The following RRM2 variants were observed in gnomAD, a reference collection of about 807,000 sequenced individuals.
RRM2 encodes the protein ribonucleoside-diphosphate reductase subunit M2.
RRM2 carries 6 observed loss-of-function variants against 45.9 expected under a neutral mutation model. The observed-to-expected ratio is 0.13, with a 90% confidence interval of 0.07 to 0.26. The LOEUF (loss-of-function observed/expected upper bound fraction) is 0.26. Ranked by LOEUF, RRM2 falls within the 10% of genes least tolerant of loss-of-function variation. RRM2 has a pLI of 1.00. For synonymous variants in RRM2, 177 were observed against 173.0 expected, an observed-to-expected ratio of 1.02 and a Z score of -0.18; for missense variants, 343 against 489.5, an observed-to-expected ratio of 0.70 and a Z score of 2.82.
In RRM2 at chr2:10,204,807, G is replaced by A. The variant is rs1664633574; in HGVS notation, n.483-5504G>A. Among the ~76,000 whole-genome samples, 1 of 152,222 alleles carries A rather than the reference G, an allele frequency of 6.6e-6. No homozygotes were observed. The highest frequency in any genetic ancestry group is 2.4e-5 in the African/African-American group (1 of 41,446). On this transcript the variant is annotated intron_variant and non_coding_transcript_variant, in intron 3 of 3. Coordinates refer to the RRM2 transcript ENST00000381786. The surrounding 1 kb of genome is among the most constrained non-coding windows in gnomAD (Gnocchi z 4.0). ...CCCTTTTCCTCTTCCAAGATGGGTG[G>A]CACTGAACGCCGAGGCCACGGCCCG...
intron 3 of RRM2, among the ~76,000 whole-genome samples, chr2:10,182,987 G>A (rs925924459): frequency 3.3e-5 from 5 of 152,150 alleles, no homozygotes; most frequent in African/African-American, 1.2e-4. Flanking sequence ...AGACCAGTCT[G>A]AGCAACATTA....
At chr2:10,135,636 G>A (rs1466274557), downstream of RRM2, among the ~76,000 whole-genome samples, 1 of 152,088 alleles carries the variant, frequency 6.6e-6, no homozygotes, top group Non-Finnish European at 1.5e-5. Flanking sequence ...CACAGTAGAT[G>A]TAAATAAACT....
At chr2:10,167,863 T>A (rs1663715327) in intron 3 of RRM2, among the ~76,000 whole-genome samples, 1 of 152,178 alleles carries the variant, frequency 6.6e-6, no homozygotes, top group Non-Finnish European at 1.5e-5. Context: ...TTAGGTCAAA[T>A]GTCTGCTTGG....
At chr2:10,153,972 C>T (rs1186517951) in intron 3 of RRM2, among the ~76,000 whole-genome samples, 1 of 152,104 alleles carries the variant, frequency 6.6e-6, no homozygotes, top group East Asian at 1.9e-4. Flanking sequence ...GATGGTTGCA[C>T]AAGATTGTGA....
At chr2:10,162,337 G>C (rs867252379) in intron 3 of RRM2, among the ~76,000 whole-genome samples, 80 of 152,290 alleles carry the variant, frequency 5.3e-4, no homozygotes, top group African/African-American at 1.8e-3. Flanking sequence ...GCGGCGTCTC[G>C]ATGTGTGTGG....
At chr2:10,199,800 A>AAAACAAC (rs1553329430) in intron 3 of RRM2, among the ~76,000 whole-genome samples, 4 of 97,882 alleles carry the variant, frequency 4.1e-5, no homozygotes, top group Admixed American at 1.3e-4. Flanking sequence ...AAAAAAAAAA[A>AAAACAAC]AAAAAAAAAC....
chr2:10,180,295 C>T (rs180688667), intron 3 of RRM2, among the ~76,000 whole-genome samples: 19 of 152,356 alleles, frequency 1.2e-4, no homozygotes, highest in Admixed American at 7.8e-4. Context: ...AAAATAACTT[C>T]GCTGTGAGCC....
intron 3 of RRM2, among the ~76,000 whole-genome samples, chr2:10,200,497 A>G (rs7608901): frequency 0.39 from 4,440 of 11,480 alleles, 555 homozygotes; most frequent in East Asian, 0.53. Context: ...GGCACCGCGC[A>G]CACAAAATAT....
intron 3 of RRM2, among the ~76,000 whole-genome samples, chr2:10,161,642 A>G (rs1430015333): frequency 6.6e-6 from 1 of 150,902 alleles, no homozygotes. Flanking sequence ...TCACTCATGC[A>G]CTCACACATA....
chr2:10,175,661 A>T (rs1490111397), intron 3 of RRM2, among the ~76,000 whole-genome samples: 1 of 152,190 alleles, frequency 6.6e-6, no homozygotes, highest in Non-Finnish European at 1.5e-5. Flanking sequence ...GCAGTGGCGC[A>T]ATCTCGGCTT....
At chr2:10,208,222 T>A (rs878170) in intron 3 of RRM2, among the ~76,000 whole-genome samples, 9,691 of 152,142 alleles carry the variant, frequency 0.064, 359 homozygotes, top group Middle Eastern at 0.095. Flanking sequence ...AGATGGCAGG[T>A]GACTGGCCCC....
rs1003555623 is a variant in RRM2, at chr2:10,172,145, G to A, written n.482+29770G>A. Reference sequence around the variant, plus strand: ...GCGTTTGGGAGCCAGACAGACCTGGGCTGAGTCCTGCCCTACATACTAACT... The same window carrying A: ...GCGTTTGGGAGCCAGACAGACCTGGACTGAGTCCTGCCCTACATACTAACT... On this transcript the variant is annotated intron_variant and non_coding_transcript_variant, in intron 3 of 3. Transcript: ENST00000381786. This position sits in a 1 kb window ranked among gnomAD's most constrained non-coding sequence, Gnocchi z 4.9. 6.6e-6 allele frequency among the ~76,000 whole-genome samples: 1 copy of A among 152,218 alleles called. No homozygotes were observed. Among genetic ancestry groups the A allele is most frequent in the African/African-American group, 2.4e-5 (1 of 41,452 alleles).
At position 10,200,712 on chromosome 2, in the gene RRM2, GCACA is replaced by G. The variant is rs1558407053; in HGVS notation, n.483-9596_483-9593del. Among the ~76,000 whole-genome samples, 33 of 139,526 alleles carry G rather than the reference GCACA, an allele frequency of 2.4e-4. 4 individuals are homozygous for G. Among genetic ancestry groups the G allele is most frequent in the African/African-American group, 7.1e-4 (28 of 39,626 alleles). The allele number at this position is 139,526 out of a possible 152,430, so 91.5% of individuals were successfully genotyped here. A position where few individuals can be genotyped will look rare whatever the true frequency, so the allele number is the denominator to read the frequency against. ...AAATTATGAGTCCCACGGGGACCGC[GCACA>G]CAAAATATGAGGCCCGCCATCTAAG... On this transcript the variant is annotated intron_variant and non_coding_transcript_variant, in intron 3 of 3. Transcript: ENST00000381786.
At position 10,122,884 on chromosome 2, in the gene RRM2, A is replaced by G; in HGVS notation, c.86A>G (p.Asp29Gly). 1 of 1,593,636 alleles carries G rather than the reference A, an allele frequency of 6.3e-7. No homozygotes were observed. The highest frequency in any genetic ancestry group is 8.5e-7 in the Non-Finnish European group (1 of 1,172,596). ...CCGCTGAAGGGGCTCAGCTTGGTCG[A>G]CAAGGAGAACACGGTGAGCCCGCGG... ...LSPLKGLSLV[D>G]KENTPPALSG... is the part of the protein sequence containing the mutation. Residue 29 changes from aspartate to glycine, a missense_variant, in exon 1 of 10, where the codon GAC becomes GGC. Coordinates refer to ENST00000304567, the MANE Select transcript of RRM2 (RefSeq NM_001034.4).
intron 3 of RRM2, among the ~76,000 whole-genome samples, chr2:10,203,963 T>C (rs1007511581): frequency 6.6e-5 from 10 of 152,054 alleles, no homozygotes. Flanking sequence ...CCCCAGAGAC[T>C]GCTGGTGCTT....
In RRM2 at chr2:10,123,050, C is replaced by T. The variant is rs1463734824; in HGVS notation, c.167C>T (p.Thr56Met). The T allele has an allele frequency of 2.6e-6, 4 of 1,562,198 alleles. No homozygotes were observed. Among genetic ancestry groups the T allele is most frequent in the South Asian group, 1.2e-5 (1 of 86,514 alleles). The part of the protein sequence containing the change: ...KTARRIFQEP[T>M]EPKTKAAAPG... The stretch of plus-strand genomic sequence containing the variant: ...GCGAGGAGGATCTTCCAGGAGCCCA[C>T]GGAGCCGGTGAGTGGCGGGCGTGGG... The change falls in exon 2 of 10, where the codon ACG becomes ATG. Residue 56 changes from threonine (T) to methionine (M), a missense_variant. Thr to Met is a moderately conservative substitution (Grantham distance 81). Transcript: ENST00000304567.
chr2:10,197,312 G>A (rs778320204), intron 3 of RRM2, among the ~76,000 whole-genome samples: 2 of 152,188 alleles, frequency 1.3e-5, no homozygotes, highest in Non-Finnish European at 2.9e-5. Context: ...CCGGCTCCAC[G>A]GGCTGTCTCC....
chr2:10,171,796 T>G lies in RRM2; in HGVS notation n.482+29421T>G, dbSNP rs1206667706. Among the ~76,000 whole-genome samples the G allele has an allele frequency of 6.6e-6, 1 of 152,214 alleles. No individual in the cohort carries two copies. Among genetic ancestry groups the G allele is most frequent in the African/African-American group, 2.4e-5 (1 of 41,444 alleles). Reference sequence around the variant, plus strand: ...GCAACGTCCCTGAAACAGTCTTTCTTATTAAAAAATATTGAGTGTCAGTTA... The same window carrying G: ...GCAACGTCCCTGAAACAGTCTTTCTGATTAAAAAATATTGAGTGTCAGTTA... On this transcript the variant is annotated intron_variant and non_coding_transcript_variant, in intron 3 of 3. Coordinates refer to the RRM2 transcript ENST00000381786. The surrounding 1 kb of genome is among the most constrained non-coding windows in gnomAD (Gnocchi z 4.1).
intron 3 of RRM2, among the ~76,000 whole-genome samples, chr2:10,190,074 A>G (rs527266133): frequency 2.1e-4 from 26 of 122,906 alleles, no homozygotes; most frequent in African/African-American, 6.6e-4. Context: ...GGTGATGGTT[A>G]TGATGGTGGT....
Sources: gnomAD v4.1 joint callset for allele counts (sites outside exome capture counted in the v4.1 genomes callset) on GRCh38, gnomAD v4.1.1 for gene constraint, Gnocchi (gnomAD v3.1) non-coding constraint, MANE v1.5 for transcripts, NCBI Gene and HGNC (gene_info 2026-07-23, HGNC 2026-07-21) for gene names.